Variants in CENPC observed in about 807,000 individuals in gnomAD.
CENPC encodes the protein CENP-C 1.
CENPC carries 63 observed loss-of-function variants against 112.1 expected under a neutral mutation model. The ratio of observed to expected loss-of-function variants is 0.56; its 90% CI spans 0.46 to 0.69. The LOEUF (loss-of-function observed/expected upper bound fraction) is 0.69, where lower values mean the gene tolerates loss of function less well. Among genes scored for constraint, CENPC ranks in the 30% least tolerant of loss-of-function variants. CENPC has a pLI of 0.00. For missense variants in CENPC, 1,000 were observed against 1,103.8 expected (o/e 0.91, Z 1.33); for synonymous variants, 333 against 367.6 (o/e 0.91, Z 1.08).
chr4:67,497,098 G>T (rs1043362894), intron 12 of CENPC, among the ~76,000 whole-genome samples: 1 of 152,000 alleles, frequency 6.6e-6, no homozygotes, highest in South Asian at 2.1e-4. Context: ...AAATACAGGC[G>T]GCCAGGCGCA....
At chr4:67,491,590 G>T (rs1343112674) in intron 16 of CENPC, among the ~76,000 whole-genome samples, 1 of 148,760 alleles carries the variant, frequency 6.7e-6, no homozygotes, top group Non-Finnish European at 1.5e-5. Context: ...CATCCCTTGG[G>T]GATCTTACAT....
chr4:67,495,035 T>C (rs1725391085), intron 13 of CENPC, 124 bp downstream of exon 13: 1 of 973,506 alleles, frequency 1.0e-6, no homozygotes, highest in African/African-American at 1.7e-5. Context: ...ATAATTTTAA[T>C]TTATCTGCCA....
chr4:67,540,690 A>T (rs1726861920), intron 3 of CENPC, among the ~76,000 whole-genome samples: 1 of 152,116 alleles, frequency 6.6e-6, no homozygotes, highest in Admixed American at 6.6e-5. Flanking sequence ...TAAATAATAA[A>T]ATACTTTTTC....
chr4:67,513,145 T>C (rs1725944092), intron 8 of CENPC, among the ~76,000 whole-genome samples: 1 of 152,026 alleles, frequency 6.6e-6, no homozygotes. Flanking sequence ...AGTCAAGGAA[T>C]ATAGGTAGTT....
intron 14 of CENPC, chr4:67,493,457 A>C (rs1262815227): frequency 5.7e-6 from 1 of 175,816 alleles, no homozygotes; most frequent in Non-Finnish European, 1.2e-5. Flanking sequence ...ACCAGCCTGG[A>C]CAACATAGCA....
rs761519564 is a variant in CENPC at position 67,541,045 on chromosome 4, C to A, written c.71G>T (p.Arg24Leu). Reference sequence around the variant, plus strand: ...CTGGCCTTGCTCTGTGTTAATGTCACGTGCCCTAATAAAGGAAAAATACAG... The same window carrying A: ...CTGGCCTTGCTCTGTGTTAATGTCAAGTGCCCTAATAAAGGAAAAATACAG... ...RRRFCRPSRA[R>L]DINTEQGQNV... Residue 24 changes from arginine to leucine, a missense_variant, in exon 3 of 19, where the codon CGT (arginine) becomes CTT (leucine). Coordinates refer to ENST00000273853, the MANE Select transcript of CENPC (RefSeq NM_001812.4). 7.5e-6 allele frequency: 12 copies of A among 1,603,378 alleles called. No individual in the cohort carries two copies. In the Admixed American group the frequency reaches 2.0e-4, roughly 27 times the overall value.
At position 67,472,552 on chromosome 4, in the gene CENPC, C is replaced by A; in HGVS notation, c.*53G>T. ...AAGACAAATATTCCAACTATACAAA[C>A]TGTTTTTCACATATACATATATACA... On this transcript the variant is annotated 3_prime_UTR_variant, in exon 19 of 19. Transcript: ENST00000273853. 1 of 1,341,936 alleles carries A rather than the reference C, an allele frequency of 7.5e-7. No individual in the cohort carries two copies. The highest frequency in any genetic ancestry group is 9.6e-7 in the Non-Finnish European group (1 of 1,041,210). 83.1% of individuals were successfully genotyped at this position (1,341,936 alleles called of 1,614,324 possible). A position where few individuals can be genotyped will look rare whatever the true frequency, so the allele number is the denominator to read the frequency against.
chr4:67,534,894 T>G (rs1018707713), intron 4 of CENPC, among the ~76,000 whole-genome samples: 7 of 152,140 alleles, frequency 4.6e-5, no homozygotes, highest in East Asian at 3.9e-4. Context: ...AAAAAGGTAC[T>G]TGCAGAAAAC....
intron 17 of CENPC, among the ~76,000 whole-genome samples, chr4:67,480,029 A>G (rs769410948): frequency 4.7e-4 from 71 of 152,220 alleles, no homozygotes; most frequent in Non-Finnish European, 2.8e-4. Context: ...CAACAACAAA[A>G]AAAGTCCAGG....
chr4:67,479,816 T>C (rs543857245), intron 17 of CENPC, among the ~76,000 whole-genome samples: 1 of 152,026 alleles, frequency 6.6e-6, no homozygotes, highest in African/African-American at 2.4e-5. Flanking sequence ...AGAAACAAAA[T>C]GGGAGATATT....
intron 4 of CENPC, among the ~76,000 whole-genome samples, chr4:67,536,919 T>C (rs1056989616): frequency 6.6e-6 from 1 of 151,122 alleles, no homozygotes; most frequent in Non-Finnish European, 1.5e-5. Context: ...CACAGTGGCA[T>C]GTGACTTACG....
At chr4:67,483,163 C>T (rs1015885997) in intron 17 of CENPC, among the ~76,000 whole-genome samples, 7 of 152,186 alleles carry the variant, frequency 4.6e-5, no homozygotes, top group African/African-American at 1.4e-4. Flanking sequence ...GTCAATTAAA[C>T]CTCTTTCCTT....
chr4:67,535,318 A>G (rs1256543515), intron 4 of CENPC, among the ~76,000 whole-genome samples: 1 of 152,048 alleles, frequency 6.6e-6, no homozygotes, highest in South Asian at 2.1e-4. Context: ...AGGCCAAGAA[A>G]AAAGGAAGAT....
chr4:67,472,529 G>T lies in CENPC; in HGVS notation c.*76C>A, dbSNP rs116290223. 28,330 of 1,301,046 alleles carry T rather than the reference G, an allele frequency of 0.022. 347 individuals carry two copies. Among genetic ancestry groups the T allele is most frequent in the South Asian group, 0.032 (1,228 of 38,594 alleles). The allele number at this position is 1,301,046 out of a possible 1,614,324, so 80.6% of individuals were successfully genotyped here. ...TTAAAACATCACAAGTAATTACAAA[G>T]ACAAATATTCCAACTATACAAACTG... On this transcript the variant is annotated 3_prime_UTR_variant, in exon 19 of 19. Transcript: ENST00000273853.
At chr4:67,542,651 A>G (rs1421474790) in intron 2 of CENPC, among the ~76,000 whole-genome samples, 5 of 152,146 alleles carry the variant, frequency 3.3e-5, no homozygotes. Context: ...GCTGAATCCT[A>G]TGCCCTCATT....
rs200741539 is a variant in CENPC, at chr4:67,478,629, A to AACACACAC, written c.2671-3659_2671-3652dup. ...AGGATAAATCTCCCAGGGTCTATAA[A>AACACACAC]ACACACACACACACACACACACACA... On this transcript the variant is annotated intron_variant, in intron 17 of 18. Coordinates refer to ENST00000273853, the MANE Select transcript of CENPC (RefSeq NM_001812.4). Among the ~76,000 whole-genome samples, 359 of 81,930 alleles carry AACACACAC rather than the reference A, an allele frequency of 4.4e-3. 2 individuals carry two copies. Among genetic ancestry groups the AACACACAC allele is most frequent in the African/African-American group, 8.9e-3 (192 of 21,454 alleles). The allele number at this position is 81,930 out of a possible 152,430, so 53.7% of individuals were successfully genotyped here.
At chr4:67,477,652 A>T (rs1303710554) in intron 17 of CENPC, among the ~76,000 whole-genome samples, 1 of 152,180 alleles carries the variant, frequency 6.6e-6, no homozygotes, top group Non-Finnish European at 1.5e-5. Context: ...AGGTTCTTTA[A>T]CACCCCCAAA....
chr4:67,476,417 A>G (rs1724806981), intron 17 of CENPC, among the ~76,000 whole-genome samples: 1 of 152,230 alleles, frequency 6.6e-6, no homozygotes, highest in African/African-American at 2.4e-5. Context: ...TCATGAGAGA[A>G]GGATTTAACC....
At chr4:67,536,022 C>A (rs1294106782) in intron 4 of CENPC, among the ~76,000 whole-genome samples, 1 of 151,884 alleles carries the variant, frequency 6.6e-6, no homozygotes, top group Non-Finnish European at 1.5e-5. Flanking sequence ...AATCTTCCAA[C>A]AAATTAAGAA....
Sources: allele counts gnomAD v4.1 joint callset (sites outside exome capture counted in the v4.1 genomes callset), GRCh38; gene constraint gnomAD v4.1.1; transcripts MANE v1.5; gene names NCBI Gene and HGNC (gene_info 2026-07-23, HGNC 2026-07-21).